Variants in EEF1A2 observed in about 807,000 individuals in gnomAD.
The protein encoded by EEF1A2 is eukaryotic translation elongation factor 1 alpha 2, also known as elongation factor 1-alpha 2.
In EEF1A2, 5 loss-of-function variants were observed where a neutral mutation model predicts 39.3. The ratio of observed to expected loss-of-function variants is 0.13; its 90% CI spans 0.07 to 0.27. The LOEUF (loss-of-function observed/expected upper bound fraction) is 0.27, where lower values mean the gene tolerates loss of function less well. EEF1A2 is among the 10% of genes least tolerant of loss of function. The pLI, the probability that EEF1A2 is intolerant of heterozygous loss-of-function variation, is 1.00. For missense variants in EEF1A2, 218 were observed against 681.4 expected (o/e 0.32, Z 7.57); for synonymous variants, 287 against 293.7 (o/e 0.98, Z 0.23).
At position 63,488,434 on chromosome 20, in the gene EEF1A2, CG is replaced by C. The variant is rs1170731512; in HGVS notation, c.1265-10del. 18 of 1,389,470 alleles carry C rather than the reference CG, an allele frequency of 1.3e-5. No individual in the cohort carries two copies. The highest frequency in any genetic ancestry group is 3.1e-5 in the African/African-American group (2 of 65,320). The allele number at this position is 1,389,470 out of a possible 1,614,324, so 86.1% of individuals were successfully genotyped here. ...GCGCACGGCGAAGCGGCCTGGGGGG[CG>C]GGGGGCGGCGTGTGGGCGGGGCCGG... On this transcript the variant is annotated splice_polypyrimidine_tract_variant and intron_variant, in intron 7 of 7. Coordinates refer to ENST00000217182, the MANE Select transcript of EEF1A2 (RefSeq NM_001958.5).
At chr20:63,495,596 G>A (rs531967728) in intron 3 of EEF1A2, among the ~76,000 whole-genome samples, 11 of 152,288 alleles carry the variant, frequency 7.2e-5, no homozygotes, top group Admixed American at 4.6e-4. Flanking sequence ...GTGTGTCCAC[G>A]TCCCCATCTG....
At chr20:63,496,056 G>A (rs778762665) in intron 2 of EEF1A2, 21 bp from the exon 3 acceptor site, 22 of 1,611,268 alleles carry the variant, frequency 1.4e-5, no homozygotes, top group African/African-American at 2.7e-5. Flanking sequence ...TGAGGGTCAC[G>A]GCTGAGGGCG....
intron 4 of EEF1A2, among the ~76,000 whole-genome samples, chr20:63,494,067 C>T (rs1171297013): frequency 2.0e-5 from 3 of 152,196 alleles, no homozygotes; most frequent in Non-Finnish European, 2.9e-5. Context: ...GTCCCCAGAC[C>T]TCAGCTCCAG....
chr20:63,488,232 G>T lies in EEF1A2; in HGVS notation c.*66C>A. 1.1e-6 allele frequency: 1 copy of T among 872,978 alleles called. No individual in the cohort carries two copies. The allele number at this position is 872,978 out of a possible 1,614,324, so 54.1% of individuals were successfully genotyped here. On this transcript the variant is annotated 3_prime_UTR_variant, in exon 8 of 8. Transcript: ENST00000217182. Reference sequence around the variant, plus strand: ...CGGCGCGCGGGGCGGGGGCGGGGCGGGGGCCCGGGCCCGGGGTTCGGAGCG... The same window carrying T: ...CGGCGCGCGGGGCGGGGGCGGGGCGTGGGCCCGGGCCCGGGGTTCGGAGCG...
Position 63,497,948 on chromosome 20 carries a change from C to A in EEF1A2, c.-71-114G>T. The A allele has an allele frequency of 1.2e-6, 1 of 803,242 alleles. No individual in the cohort carries two copies. Among genetic ancestry groups the A allele is most frequent in the Non-Finnish European group, 1.8e-6 (1 of 542,220 alleles). 49.8% of individuals were successfully genotyped at this position (803,242 alleles called of 1,614,324 possible). ...GCATCCCTGCCCACAAACCAAGCCCCCATGTTTGGTGGGGAGGGAAGGGCC... is the reference window on the plus strand; with the variant it reads ...GCATCCCTGCCCACAAACCAAGCCCACATGTTTGGTGGGGAGGGAAGGGCC... On this transcript the variant is annotated intron_variant, in intron 1 of 7. Coordinates refer to ENST00000217182, the MANE Select transcript of EEF1A2 (RefSeq NM_001958.5). The surrounding 1 kb of genome is among the most constrained non-coding windows in gnomAD (Gnocchi z 7.3).
rs2082415482 is a variant in EEF1A2, at chr20:63,496,130, G to A, written c.145-95C>T. ...TTGTTACAGCAGAGTGGCCGCGAGA[G>A]GCGGGAGATGGGCTCCAGCACCCCC... On this transcript the variant is annotated intron_variant, in intron 2 of 7. Transcript: ENST00000217182. 7.7e-6 allele frequency: 11 copies of A among 1,429,356 alleles called. No individual in the cohort carries two copies. In the South Asian group the frequency reaches 1.4e-4, roughly 18 times the overall value. The allele number at this position is 1,429,356 out of a possible 1,614,324, so 88.5% of individuals were successfully genotyped here. A position where few individuals can be genotyped will look rare whatever the true frequency, so the allele number is the denominator to read the frequency against.
At position 63,492,577 on chromosome 20, in the gene EEF1A2, A is replaced by AATGG. The variant is rs2082393321; in HGVS notation, c.772+556_772+559dup. ...AGAGAGAAGGATGGATGGGTGGGAC[A>AATGG]ATGGATGGATGGATGCATGGATGGA... On this transcript the variant is annotated intron_variant, in intron 5 of 7. Coordinates refer to ENST00000217182, the MANE Select transcript of EEF1A2 (RefSeq NM_001958.5). Among the ~76,000 whole-genome samples the AATGG allele has an allele frequency of 2.0e-4, 3 of 14,786 alleles. No individual in the cohort carries two copies. The South Asian group carries it at 5.2e-3, about 26-fold the overall frequency. The allele number at this position is 14,786 out of a possible 152,430, so 9.7% of individuals were successfully genotyped here. A position where few individuals can be genotyped will look rare whatever the true frequency, so the allele number is the denominator to read the frequency against.
intron 5 of EEF1A2, among the ~76,000 whole-genome samples, chr20:63,491,505 C>T (rs1363064720): frequency 6.6e-6 from 1 of 152,208 alleles, no homozygotes; most frequent in Non-Finnish European, 1.5e-5. Context: ...ATGATGCCCC[C>T]ACAGTGCACA....
rs200259257 is a variant in EEF1A2, at chr20:63,488,394, C to G, written c.1296G>C (p.Thr432=). Residue 432 remains threonine, a synonymous_variant, in exon 8 of 8, where the codon ACG becomes ACC. Transcript: ENST00000217182. ...GRFAVRDMRQ[T]VAVGVIKNVE... is the part of the protein sequence containing the mutation. ...CGTTCTTGATGACGCCTACGGCCAC[C>G]GTCTGCCTCATGTCGCGCACGGCGA... is the stretch of plus-strand genomic sequence containing the variant. 2.0e-6 allele frequency: 3 copies of G among 1,478,438 alleles called. No homozygotes were observed. The highest frequency in any genetic ancestry group is 6.0e-5 in the East Asian group (2 of 33,508). 91.6% of individuals were successfully genotyped at this position (1,478,438 alleles called of 1,614,324 possible). A position where few individuals can be genotyped will look rare whatever the true frequency, so the allele number is the denominator to read the frequency against.
At position 63,494,563 on chromosome 20, in the gene EEF1A2, G is replaced by A. The variant is rs2082407808; in HGVS notation, c.621+242C>T. Among the ~76,000 whole-genome samples the A allele has an allele frequency of 6.6e-5, 10 of 152,266 alleles. No individual in the cohort carries two copies. The South Asian group carries it at 2.1e-3, about 31-fold the overall frequency. The stretch of plus-strand genomic sequence containing the variant: ...CTGCCCCTGCTGTGTTGACATCGTA[G>A]ATGGGCCCTGGCCCCGGCCAGCCGC... On this transcript the variant is annotated intron_variant, in intron 4 of 7. Coordinates refer to ENST00000217182, the MANE Select transcript of EEF1A2 (RefSeq NM_001958.5).
At chr20:63,495,293 G>A (rs1409285728) in intron 3 of EEF1A2, among the ~76,000 whole-genome samples, 192 bp from the exon 4 acceptor site, 1 of 152,256 alleles carries the variant, frequency 6.6e-6, no homozygotes, top group Admixed American at 6.5e-5. Context: ...CAGGCCCTGG[G>A]TCAGGGGACC....
At chr20:63,488,883 TG>T (rs745911047) in intron 7 of EEF1A2, 34 bp downstream of exon 7, 14 of 1,601,102 alleles carry the variant, frequency 8.7e-6, no homozygotes, top group Middle Eastern at 1.7e-4. Context: ...AGCCACAGCC[TG>T]GGGGCTGCAC....
At chr20:63,488,600 C>T (rs1471992111) in intron 7 of EEF1A2, among the ~76,000 whole-genome samples, 175 bp from the exon 8 acceptor site, 2 of 151,806 alleles carry the variant, frequency 1.3e-5, no homozygotes, top group Non-Finnish European at 2.9e-5. Flanking sequence ...TGGGCGGCTG[C>T]TCCACGGTCT....
At chr20:63,496,416 A>C in intron 2 of EEF1A2, 1 of 234,146 alleles carries the variant, frequency 4.3e-6, no homozygotes, top group Non-Finnish European at 8.5e-6. Flanking sequence ...GAGGCCAATA[A>C]TACCACCGTG....
At chr20:63,490,234 T>C (rs926645906) in intron 6 of EEF1A2, 2 of 421,872 alleles carry the variant, frequency 4.7e-6, no homozygotes, top group Admixed American at 7.2e-5. Context: ...GCCTGGCTAA[T>C]TTTTGTATTT....
At chr20:63,490,922 C>T (rs898260942) in intron 5 of EEF1A2, among the ~76,000 whole-genome samples, 187 bp from the exon 6 acceptor site, 1 of 152,188 alleles carries the variant, frequency 6.6e-6, no homozygotes, top group Non-Finnish European at 1.5e-5. Context: ...CACAGAGATT[C>T]CAAGGGAAGT....
intron 5 of EEF1A2, 70 bp from the exon 6 acceptor site, chr20:63,490,805 A>G: frequency 1.3e-6 from 2 of 1,523,266 alleles, no homozygotes; most frequent in Non-Finnish European, 1.8e-6. Context: ...ATTCGGGGAC[A>G]GAGCCTGGAA....
intron 4 of EEF1A2, among the ~76,000 whole-genome samples, chr20:63,494,151 T>C (rs1435163981): frequency 6.6e-6 from 1 of 152,234 alleles, no homozygotes; most frequent in African/African-American, 2.4e-5. Context: ...GCAGCGACAG[T>C]GCTGGCAGAG....
chr20:63,491,194 GCTCCCTGCAGGCCCTGCT>G, intron 5 of EEF1A2, among the ~76,000 whole-genome samples: 1 of 67,596 alleles, frequency 1.5e-5, no homozygotes, highest in African/African-American at 1.5e-4. Context: ...CCTGCTCCCT[GCTCCCTGCAGGCCCTGCT>G]CCCTGCTCCC....
Sources: gnomAD v4.1 joint callset for allele counts (sites outside exome capture counted in the v4.1 genomes callset) on GRCh38, gnomAD v4.1.1 for gene constraint, Gnocchi (gnomAD v3.1) non-coding constraint, MANE v1.5 for transcripts, NCBI Gene and HGNC (gene_info 2026-07-23, HGNC 2026-07-21) for gene names.